SNX25: variants seen among roughly 807,000 people sequenced by gnomAD.
SNX25 encodes sorting nexin-25.
In SNX25, 62 loss-of-function variants were observed where a neutral mutation model predicts 113.7. That is an observed-to-expected ratio of 0.55 (90% CI 0.44 to 0.67). The LOEUF (loss-of-function observed/expected upper bound fraction) is 0.67. Among genes scored for constraint, SNX25 ranks in the 30% least tolerant of loss-of-function variants. The probability of loss-of-function intolerance (pLI) is 0.00; values close to 1 mark genes in which losing one functional copy is unlikely to be tolerated. For synonymous variants in SNX25, 421 were observed against 436.2 expected, an observed-to-expected ratio of 0.97 and a Z score of 0.43; for missense variants, 1,014 against 1,161.0, an observed-to-expected ratio of 0.87 and a Z score of 1.84.
intron 6 of SNX25, among the ~76,000 whole-genome samples, chr4:185,299,013 C>G (rs1753254009): frequency 1.3e-5 from 2 of 152,164 alleles, no homozygotes; most frequent in African/African-American, 4.8e-5. Flanking sequence ...AACACACATG[C>G]AAAACGACAG....
intron 10 of SNX25, among the ~76,000 whole-genome samples, chr4:185,335,205 A>G (rs941986230): frequency 6.6e-6 from 1 of 151,934 alleles, no homozygotes. Flanking sequence ...CTATAATCCC[A>G]GCTACTCGGG....
intron 2 of SNX25, 147 bp downstream of exon 2, chr4:185,247,525 A>C: frequency 1.5e-6 from 1 of 677,640 alleles, no homozygotes; most frequent in East Asian, 2.6e-5. Flanking sequence ...TTGATGACTA[A>C]ATACATCCAT....
chr4:185,206,418 C>T (rs1047635394), upstream of SNX25, among the ~76,000 whole-genome samples: 20 of 152,018 alleles, frequency 1.3e-4, no homozygotes, highest in African/African-American at 4.8e-4. Flanking sequence ...CTCCTGTAAT[C>T]CCAGCACTTT....
intron 1 of SNX25, among the ~76,000 whole-genome samples, chr4:185,240,373 G>A (rs1249886863): frequency 2.0e-5 from 3 of 151,372 alleles, no homozygotes; most frequent in Middle Eastern, 7.0e-3. Flanking sequence ...CCTCCCGGAC[G>A]GGGCGGCTGG....
intron 12 of SNX25, among the ~76,000 whole-genome samples, chr4:185,342,514 A>G (rs1250859627): frequency 6.6e-6 from 1 of 152,114 alleles, no homozygotes; most frequent in Admixed American, 6.5e-5. Context: ...TGCTTGGAGG[A>G]TTCTATCACA....
In SNX25 at chr4:185,209,663, G is replaced by C. The variant is rs547514113; in HGVS notation, c.-164G>C. Among the ~76,000 whole-genome samples, 58 of 151,620 alleles carry C rather than the reference G, an allele frequency of 3.8e-4. No individual in the cohort carries two copies. The highest frequency in any genetic ancestry group is 1.4e-3 in the African/African-American group (57 of 41,498). ...GCAGCTACGGGCCCAGCGCCTGGTG[G>C]CGGCGCTGAGGGGTCGCCGAGAGGG... is the stretch of plus-strand genomic sequence containing the variant. On this transcript the variant is annotated 5_prime_UTR_variant, in exon 1 of 19. Coordinates refer to ENST00000652585, the MANE Select transcript of SNX25 (RefSeq NM_001378034.2). This position sits in a 1 kb window ranked among gnomAD's most constrained non-coding sequence, Gnocchi z 5.2.
intron 1 of SNX25, among the ~76,000 whole-genome samples, chr4:185,226,075 T>C (rs2126382381): frequency 6.6e-6 from 1 of 152,306 alleles, no homozygotes; most frequent in African/African-American, 2.4e-5. Context: ...GGAGGATCTT[T>C]ACTAATCAAG....
chr4:185,267,001 C>G lies in SNX25; in HGVS notation c.937C>G (p.Pro313Ala). Residue 313 changes from proline (P) to alanine (A), a missense_variant, in exon 5 of 19, where the codon CCA becomes GCA. Transcript: ENST00000652585. ...LKPVVELLSNPDYINQMLLAQ... is the reference protein window; with the variant it reads ...LKPVVELLSNADYINQMLLAQ... ...GCCGGTAGTGGAGTTACTGAGTAAT[C>G]CAGATTACATTAACCAAATGCTGCT... 6.2e-7 allele frequency: 1 copy of G among 1,613,632 alleles called. No individual in the cohort carries two copies. The highest frequency in any genetic ancestry group is 1.7e-5 in the Admixed American group (1 of 59,938).
At chr4:185,370,892 G>A (rs2095412542), downstream of SNX25, 1 of 1,459,640 alleles carries the variant, frequency 6.9e-7, no homozygotes, top group Non-Finnish European at 9.5e-7. Flanking sequence ...CCTAGAGACT[G>A]TCCTTGTGCC....
intron 4 of SNX25, 68 bp downstream of exon 4, chr4:185,264,678 GT>G: frequency 6.8e-7 from 1 of 1,470,358 alleles, no homozygotes; most frequent in Admixed American, 1.7e-5. Context: ...TGCAGACCTT[GT>G]TTACTGTTGA....
Position 185,210,120 on chromosome 4 carries a change from G to A in SNX25, c.294G>A (p.Leu98=), listed in dbSNP as rs898718025. The A allele has an allele frequency of 1.0e-6, 1 of 984,114 alleles. No homozygotes were observed. The highest frequency in any genetic ancestry group is 1.1e-4 in the East Asian group (1 of 8,802). 61.0% of individuals were successfully genotyped at this position (984,114 alleles called of 1,614,324 possible). A position where few individuals can be genotyped will look rare whatever the true frequency, so the allele number is the denominator to read the frequency against. ...SSVLFRLSLY[L]SCAAAAFLLG... ...TCCTGTTCAGGCTCAGCCTGTACCT[G>A]AGCTGCGCGGCGGCCGCCTTCCTGC... The change falls in exon 1 of 19, where the codon CTG becomes CTA. Residue 98 remains leucine, a synonymous_variant. Transcript: ENST00000652585. The surrounding 1 kb of genome is among the most constrained non-coding windows in gnomAD (Gnocchi z 4.4).
At chr4:185,294,266 G>A (rs1443321102) in intron 6 of SNX25, among the ~76,000 whole-genome samples, 1 of 152,146 alleles carries the variant, frequency 6.6e-6, no homozygotes, top group Non-Finnish European at 1.5e-5. Flanking sequence ...CTGCAGGCTG[G>A]TGAGATCAAG....
chr4:185,291,184 T>C (rs1752114201), intron 6 of SNX25, among the ~76,000 whole-genome samples: 1 of 152,192 alleles, frequency 6.6e-6, no homozygotes, highest in Non-Finnish European at 1.5e-5. Context: ...GATTTTTCTT[T>C]TGGGGAGAAG....
chr4:185,210,311 C>T lies in SNX25; in HGVS notation c.429+56C>T. 1 of 984,622 alleles carries T rather than the reference C, an allele frequency of 1.0e-6. No individual in the cohort carries two copies. The highest frequency in any genetic ancestry group is 1.2e-6 in the Non-Finnish European group (1 of 829,738). The allele number at this position is 984,622 out of a possible 1,614,324, so 61.0% of individuals were successfully genotyped here. On this transcript the variant is annotated intron_variant, in intron 1 of 18. Coordinates refer to ENST00000652585, the MANE Select transcript of SNX25 (RefSeq NM_001378034.2). This position sits in a 1 kb window ranked among gnomAD's most constrained non-coding sequence, Gnocchi z 4.4. The stretch of plus-strand genomic sequence containing the variant: ...CGCCGGCCCTCCCCGCTTCCGGTGC[C>T]AGCTCCCGCGCCCCGAGCTCCGGGG...
upstream of SNX25, among the ~76,000 whole-genome samples, chr4:185,206,996 G>A (rs935953371): frequency 1.3e-5 from 2 of 152,136 alleles, no homozygotes; most frequent in Admixed American, 6.6e-5. Context: ...TGGGAGAAGA[G>A]TGTATCCCAG....
intron 7 of SNX25, among the ~76,000 whole-genome samples, chr4:185,312,464 AT>A (rs1484014007): frequency 6.6e-6 from 1 of 152,090 alleles, no homozygotes; most frequent in African/African-American, 2.4e-5. Flanking sequence ...CAGGTTGTCT[AT>A]CTGGCAGTGT....
At chr4:185,266,335 C>A (rs528047810) in intron 4 of SNX25, among the ~76,000 whole-genome samples, 28 of 152,144 alleles carry the variant, frequency 1.8e-4, no homozygotes, top group African/African-American at 6.7e-4. Flanking sequence ...AGAAAAAAAT[C>A]AGTGTTTTTT....
intron 11 of SNX25, 51 bp from the exon 12 acceptor site, chr4:185,341,925 C>T: frequency 6.5e-7 from 1 of 1,541,656 alleles, no homozygotes; most frequent in Non-Finnish European, 8.7e-7. Flanking sequence ...CTTCCTTCTG[C>T]ATCCATTCAC....
intron 1 of SNX25, among the ~76,000 whole-genome samples, chr4:185,220,990 G>A (rs950293399): frequency 6.6e-6 from 1 of 151,086 alleles, no homozygotes; most frequent in East Asian, 1.9e-4. Context: ...TCACTCCCCC[G>A]CCAATGGCTG....
Sources: gnomAD v4.1 joint callset for allele counts (sites outside exome capture counted in the v4.1 genomes callset) on GRCh38, gnomAD v4.1.1 for gene constraint, Gnocchi (gnomAD v3.1) non-coding constraint, MANE v1.5 for transcripts, NCBI Gene and HGNC (gene_info 2026-07-23, HGNC 2026-07-21) for gene names.